The following YWHAE variants were observed in gnomAD, a reference collection of about 807,000 sequenced individuals.
YWHAE encodes the protein tyrosine 3-monooxygenase/tryptophan 5-monooxygenase activation protein epsilon.
A neutral mutation model predicts 30.1 loss-of-function variants in YWHAE; 4 were observed. That is an observed-to-expected ratio of 0.13 (90% CI 0.07 to 0.30). YWHAE has a LOEUF of 0.30. Ranked by LOEUF, YWHAE falls within the 10% of genes least tolerant of loss-of-function variation. YWHAE has a pLI of 1.00. For synonymous variants in YWHAE, 118 were observed against 111.8 expected (o/e 1.06, Z -0.35); for missense variants, 121 against 315.9 (o/e 0.38, Z 4.68).
intron 2 of YWHAE, 88 bp downstream of exon 2, chr17:1,364,771 G>A (rs2072918505): frequency 7.1e-7 from 1 of 1,405,444 alleles, no homozygotes. Flanking sequence ...TATGAATGTA[G>A]TCTCCTTTTC....
At chr17:1,359,820 G>A (rs1324099405) in intron 4 of YWHAE, among the ~76,000 whole-genome samples, 1 of 94,666 alleles carries the variant, frequency 1.1e-5, no homozygotes, top group Admixed American at 1.0e-4. Flanking sequence ...TGTTGTGTGT[G>A]TGTGTGTGTG....
intron 5 of YWHAE, among the ~76,000 whole-genome samples, chr17:1,348,708 T>C (rs113009166): frequency 1.1e-4 from 17 of 152,278 alleles, no homozygotes; most frequent in African/African-American, 3.6e-4. Flanking sequence ...GCAGGCACCA[T>C]TGCAGTTTCA....
At chr17:1,384,352 CA>C (rs1055194398) in intron 1 of YWHAE, among the ~76,000 whole-genome samples, 1 of 151,584 alleles carries the variant, frequency 6.6e-6, no homozygotes, top group Non-Finnish European at 1.5e-5. Context: ...CCAGCTTGGG[CA>C]AGAGTGAGAC....
At chr17:1,356,820 T>C (rs2072752487) in intron 4 of YWHAE, among the ~76,000 whole-genome samples, 2 of 137,278 alleles carry the variant, frequency 1.5e-5, no homozygotes, top group African/African-American at 5.7e-5. Context: ...AAAAAAAAAA[T>C]TCAGTCAAGC....
chr17:1,364,813 T>C (rs777340056), intron 2 of YWHAE, 46 bp downstream of exon 2: 1 of 1,610,732 alleles, frequency 6.2e-7, no homozygotes, highest in South Asian at 1.1e-5. Flanking sequence ...GTCCTACAGG[T>C]AACTCAAACT....
intron 1 of YWHAE, among the ~76,000 whole-genome samples, chr17:1,368,805 C>T (rs557912642): frequency 6.6e-6 from 1 of 152,134 alleles, no homozygotes; most frequent in African/African-American, 2.4e-5. Flanking sequence ...CTAAACTGAT[C>T]GCAAAGTAAA....
At chr17:1,370,605 A>T (rs1184705024) in intron 1 of YWHAE, among the ~76,000 whole-genome samples, 2 of 151,978 alleles carry the variant, frequency 1.3e-5, no homozygotes, top group African/African-American at 2.4e-5. Context: ...TAACTTTTCT[A>T]TTTTTAGTAG....
intron 1 of YWHAE, among the ~76,000 whole-genome samples, chr17:1,381,611 CG>C (rs1352465859): frequency 2.0e-5 from 3 of 151,846 alleles, no homozygotes; most frequent in Non-Finnish European, 4.4e-5. Context: ...CTAATCAAAA[CG>C]TAACATAAAT....
chr17:1,365,372 C>CA (rs1056996437), intron 1 of YWHAE, among the ~76,000 whole-genome samples: 41 of 149,080 alleles, frequency 2.8e-4, no homozygotes, highest in African/African-American at 5.4e-4. Context: ...TATTTTCCAG[C>CA]AAAAAAAAAT....
chr17:1,382,544 T>G lies in YWHAE; in HGVS notation c.65-17486A>C, dbSNP rs1245271431. Among the ~76,000 whole-genome samples the G allele has an allele frequency of 2.7e-5, 4 of 150,544 alleles. No homozygotes were observed. In the Admixed American group the frequency reaches 2.7e-4, roughly 10 times the overall value. ...GCTAATTTTTTTTTTGTATCTTTAG[T>G]AGAGACGGGGTTTCACTATGTTAGC... On this transcript the variant is annotated intron_variant, in intron 1 of 5. Transcript: ENST00000264335.
At position 1,364,605 on chromosome 17, in the gene YWHAE, T is replaced by C. The variant is rs528294068; in HGVS notation, c.264+254A>G. The C allele has an allele frequency of 2.8e-5, 15 of 530,866 alleles. No homozygotes were observed. The South Asian group carries it at 3.1e-4, about 11-fold the overall frequency. 32.9% of individuals were successfully genotyped at this position (530,866 alleles called of 1,614,324 possible). A position where few individuals can be genotyped will look rare whatever the true frequency, so the allele number is the denominator to read the frequency against. On this transcript the variant is annotated intron_variant, in intron 2 of 5. Transcript: ENST00000264335. ...TTCCCCCTTATCCAAGAGGGATCCA[T>C]TGAGACCTGCCAGTGGATGTGATGA...
intron 1 of YWHAE, among the ~76,000 whole-genome samples, chr17:1,384,331 G>A (rs928244890): frequency 2.7e-5 from 4 of 150,792 alleles, no homozygotes; most frequent in Non-Finnish European, 5.9e-5. Context: ...AGGTGTGTCT[G>A]CTACTGCACA....
chr17:1,390,472 T>C, intron 1 of YWHAE, among the ~76,000 whole-genome samples: 1 of 152,152 alleles, frequency 6.6e-6, no homozygotes, highest in Admixed American at 6.5e-5. Flanking sequence ...AAAACAATTA[T>C]CTGACCTTTC....
At chr17:1,348,287 G>A (rs533029442) in intron 5 of YWHAE, among the ~76,000 whole-genome samples, 1 of 152,276 alleles carries the variant, frequency 6.6e-6, no homozygotes, top group Non-Finnish European at 1.5e-5. Context: ...GGAGAGAGGG[G>A]AACAGGCAGG....
intron 1 of YWHAE, among the ~76,000 whole-genome samples, chr17:1,368,070 G>T (rs991222433): frequency 4.6e-5 from 7 of 151,988 alleles, no homozygotes; most frequent in African/African-American, 1.5e-4. Context: ...GGCCAACATG[G>T]TGACACCCCG....
chr17:1,382,342 C>T (rs2073225325), intron 1 of YWHAE, among the ~76,000 whole-genome samples: 1 of 143,474 alleles, frequency 7.0e-6, no homozygotes, highest in South Asian at 2.2e-4. Context: ...GCCACCGCGC[C>T]CGGCCTTTTT....
rs1170122621 is a variant in YWHAE at position 1,388,004 on chromosome 17, C to A, written c.64+12043G>T. On this transcript the variant is annotated intron_variant, in intron 1 of 5. Coordinates refer to ENST00000264335, the MANE Select transcript of YWHAE (RefSeq NM_006761.5). ...CCAGGGGCACTATCTCGGCTCACTG[C>A]AACCTTTGCCTCCCGGGTTCAAGTG... Among the ~76,000 whole-genome samples the A allele has an allele frequency of 2.1e-5, 3 of 144,602 alleles. No individual in the cohort carries two copies. The East Asian group carries it at 6.1e-4, about 30-fold the overall frequency. 94.9% of individuals were successfully genotyped at this position (144,602 alleles called of 152,430 possible). A position where few individuals can be genotyped will look rare whatever the true frequency, so the allele number is the denominator to read the frequency against.
rs576768197 is a variant in YWHAE, at chr17:1,373,667, C to CAA, written c.65-8611_65-8610dup. Among the ~76,000 whole-genome samples, 1,077 of 129,318 alleles carry CAA rather than the reference C, an allele frequency of 8.3e-3. 10 individuals are homozygous for CAA. The highest frequency in any genetic ancestry group is 0.028 in the African/African-American group (1,001 of 35,838). The allele number at this position is 129,318 out of a possible 152,430, so 84.8% of individuals were successfully genotyped here. A position where few individuals can be genotyped will look rare whatever the true frequency, so the allele number is the denominator to read the frequency against. On this transcript the variant is annotated intron_variant, in intron 1 of 5. Coordinates refer to ENST00000264335, the MANE Select transcript of YWHAE (RefSeq NM_006761.5). Reference sequence around the variant, plus strand: ...TGGGTGACAGAGTGAGACTTCATCTCAAAAAAAAAAAAGAAAAGTTTGAAA... The same window carrying CAA: ...TGGGTGACAGAGTGAGACTTCATCTCAAAAAAAAAAAAAAGAAAAGTTTGAAA...
chr17:1,357,950 G>C (rs1226718929), intron 4 of YWHAE, among the ~76,000 whole-genome samples: 1 of 150,614 alleles, frequency 6.6e-6, no homozygotes, highest in Non-Finnish European at 1.5e-5. Flanking sequence ...AAAAGAAAAA[G>C]ACAATAGCAA....
Sources: allele counts gnomAD v4.1 joint callset (sites outside exome capture counted in the v4.1 genomes callset), GRCh38; gene constraint gnomAD v4.1.1; transcripts MANE v1.5; gene names NCBI Gene and HGNC (gene_info 2026-07-23, HGNC 2026-07-21).